FRMD4B: variants seen among roughly 807,000 people sequenced by gnomAD.
The protein encoded by FRMD4B is FERM domain-containing protein 4B.
In FRMD4B, 74 loss-of-function variants were observed where a neutral mutation model predicts 141.5. The observed-to-expected ratio is 0.52, with a 90% CI of 0.43 to 0.63. FRMD4B has a LOEUF of 0.63. Ranked by LOEUF, FRMD4B falls within the 30% of genes least tolerant of loss-of-function variation. FRMD4B has a pLI of 0.00. For missense variants in FRMD4B, 1,366 were observed against 1,253.4 expected, an observed-to-expected ratio of 1.09 and a Z score of -1.36; for synonymous variants, 506 against 467.9, an observed-to-expected ratio of 1.08 and a Z score of -1.05.
chr3:69,315,105 T>C (rs1005131403), intron 1 of FRMD4B, among the ~76,000 whole-genome samples: 1 of 152,234 alleles, frequency 6.6e-6, no homozygotes, highest in Non-Finnish European at 1.5e-5. Context: ...CAACATAGTT[T>C]ACTATCACCA....
intron 7 of FRMD4B, among the ~76,000 whole-genome samples, chr3:69,248,262 AATATATAT>A (rs539301687): frequency 0.014 from 2,026 of 140,362 alleles, 15 homozygotes; most frequent in Non-Finnish European, 0.022. Flanking sequence ...CACACACACA[AATATATAT>A]ATATAGAGAG....
intron 1 of FRMD4B, among the ~76,000 whole-genome samples, chr3:69,540,539 G>A (rs1194792211): frequency 6.8e-6 from 1 of 146,994 alleles, no homozygotes; most frequent in Admixed American, 6.8e-5. Flanking sequence ...GCTTGAACTC[G>A]GGAGGCAGAG....
rs1160471672 is a variant in FRMD4B at position 69,476,998 on chromosome 3, C to G, written c.-128-44237G>C. Among the ~76,000 whole-genome samples the G allele has an allele frequency of 2.0e-5, 3 of 152,158 alleles. No individual in the cohort carries two copies. In the East Asian group the frequency reaches 5.8e-4, roughly 29 times the overall value. ...ATGGGAGTTCACTCATGATTTGGCT[C>G]TCTGTTTGTCTGTTTTTGGTGTGTA... is the stretch of plus-strand genomic sequence containing the variant. On this transcript the variant is annotated intron_variant, in intron 1 of 5. Coordinates refer to the FRMD4B transcript ENST00000459638.
intron 2 of FRMD4B, among the ~76,000 whole-genome samples, chr3:69,426,594 T>C (rs1705083331): frequency 6.6e-6 from 1 of 152,204 alleles, no homozygotes; most frequent in South Asian, 2.1e-4. Flanking sequence ...GGGAGCATAT[T>C]AACTGCATAG....
At position 69,467,400 on chromosome 3, in the gene FRMD4B, A is replaced by G. The variant is rs1705810514; in HGVS notation, c.-128-34639T>C. Among the ~76,000 whole-genome samples, 4 of 152,206 alleles carry G rather than the reference A, an allele frequency of 2.6e-5. No homozygotes were observed. In the South Asian group the frequency reaches 8.3e-4, roughly 31 times the overall value. ...CAACTACTACATCACACAGTCTTCT[A>G]GAGTGGCACCTCACTGTTTGTGAAT... On this transcript the variant is annotated intron_variant, in intron 1 of 5. Coordinates refer to the FRMD4B transcript ENST00000459638.
chr3:69,320,204 T>C (rs1378834273), intron 1 of FRMD4B, among the ~76,000 whole-genome samples: 4 of 152,148 alleles, frequency 2.6e-5, no homozygotes, highest in African/African-American at 9.7e-5. Flanking sequence ...AAATGAACTT[T>C]TTCCCCAACG....
At chr3:69,458,460 G>A (rs1705653283) in intron 1 of FRMD4B, among the ~76,000 whole-genome samples, 2 of 152,156 alleles carry the variant, frequency 1.3e-5, no homozygotes, top group Non-Finnish European at 1.5e-5. Flanking sequence ...CATTTAAACT[G>A]GGTCTTAAAG....
At chr3:69,364,178 G>T (rs1483888) in intron 1 of FRMD4B, among the ~76,000 whole-genome samples, 57,503 of 151,756 alleles carry the variant, frequency 0.38, 13,215 homozygotes, top group African/African-American at 0.66. Flanking sequence ...AAAGTAACAA[G>T]TTATGTCACG....
chr3:69,537,645 T>A (rs1701108550), intron 1 of FRMD4B, among the ~76,000 whole-genome samples: 1 of 152,232 alleles, frequency 6.6e-6, no homozygotes, highest in Non-Finnish European at 1.5e-5. Context: ...ACTATCAATT[T>A]GACTTGTTCT....
At chr3:69,505,630 C>A (rs1174292461) in intron 1 of FRMD4B, among the ~76,000 whole-genome samples, 1 of 152,000 alleles carries the variant, frequency 6.6e-6, no homozygotes, top group Non-Finnish European at 1.5e-5. Flanking sequence ...AAATTTTGAC[C>A]CAAGGTTTCA....
intron 4 of FRMD4B, among the ~76,000 whole-genome samples, 179 bp from the exon 5 acceptor site, chr3:69,288,015 G>C (rs1023177486): frequency 6.6e-6 from 1 of 152,234 alleles, no homozygotes; most frequent in African/African-American, 2.4e-5. Context: ...GTATGTGTAT[G>C]TATACCTAAA....
chr3:69,302,338 C>CA lies in FRMD4B; in HGVS notation c.416+4dup, dbSNP rs770748567. 1.3e-6 allele frequency: 2 copies of CA among 1,528,742 alleles called. No individual in the cohort carries two copies. The highest frequency in any genetic ancestry group is 1.8e-6 in the Non-Finnish European group (2 of 1,104,884). The allele number at this position is 1,528,742 out of a possible 1,614,324, so 94.7% of individuals were successfully genotyped here. A position where few individuals can be genotyped will look rare whatever the true frequency, so the allele number is the denominator to read the frequency against. On this transcript the variant is annotated splice_donor_region_variant and intron_variant, in intron 4 of 22. Transcript: ENST00000398540. ...GGGATGCTAACTGGGTCTGTGGATA[C>CA]ATACCTCACAGCAAAGTGCAAAATG...
chr3:69,324,999 A>C (rs1702131854), intron 1 of FRMD4B, among the ~76,000 whole-genome samples: 1 of 151,248 alleles, frequency 6.6e-6, no homozygotes, highest in Admixed American at 6.6e-5. Context: ...AGATCACTTG[A>C]GCCCAGGTGT....
intron 1 of FRMD4B, among the ~76,000 whole-genome samples, chr3:69,355,890 T>A (rs547817211): frequency 1.3e-5 from 2 of 152,200 alleles, no homozygotes; most frequent in East Asian, 3.9e-4. Flanking sequence ...CCAGGTGTGG[T>A]GGCCGGCACC....
At chr3:69,476,297 G>C (rs929736655) in intron 1 of FRMD4B, among the ~76,000 whole-genome samples, 1 of 151,986 alleles carries the variant, frequency 6.6e-6, no homozygotes, top group Non-Finnish European at 1.5e-5. Context: ...GTCCTTAATG[G>C]TAATGCCTAG....
intron 1 of FRMD4B, among the ~76,000 whole-genome samples, chr3:69,476,175 T>C (rs1705994308): frequency 6.6e-6 from 1 of 151,584 alleles, no homozygotes; most frequent in Non-Finnish European, 1.5e-5. Context: ...CTGATGGTAG[T>C]TTCTTTTGCT....
intron 7 of FRMD4B, among the ~76,000 whole-genome samples, chr3:69,234,903 C>T (rs1291367940): frequency 6.6e-6 from 1 of 152,052 alleles, no homozygotes; most frequent in Admixed American, 6.6e-5. Flanking sequence ...AATCCCAGCA[C>T]TTTGGGAGGC....
At chr3:69,229,999 T>C (rs889815556) in intron 7 of FRMD4B, among the ~76,000 whole-genome samples, 2 of 151,456 alleles carry the variant, frequency 1.3e-5, no homozygotes, top group African/African-American at 4.9e-5. Context: ...TTTTTTGATA[T>C]GGAGTCTCGC....
At chr3:69,387,499 C>T (rs1411093026), upstream of FRMD4B, among the ~76,000 whole-genome samples, 1 of 152,062 alleles carries the variant, frequency 6.6e-6, no homozygotes, top group Non-Finnish European at 1.5e-5. Flanking sequence ...TTCCTGAATC[C>T]ATCTGTAAGT....
Sources: allele counts gnomAD v4.1 joint callset (sites outside exome capture counted in the v4.1 genomes callset), GRCh38; gene constraint gnomAD v4.1.1; transcripts MANE v1.5; gene names NCBI Gene and HGNC (gene_info 2026-07-23, HGNC 2026-07-21).